Variants in ARHGEF9 observed in about 807,000 individuals in gnomAD.
ARHGEF9 encodes the protein rho guanine nucleotide exchange factor 9.
In ARHGEF9, 2 loss-of-function variants were observed where a neutral mutation model predicts 41.3. The observed-to-expected ratio is 0.05, with a 90% confidence interval of 0.02 to 0.15. ARHGEF9 has a LOEUF of 0.15. Ranked by LOEUF, ARHGEF9 falls within the 10% of genes least tolerant of loss-of-function variation. ARHGEF9 has a pLI of 1.00. For synonymous variants in ARHGEF9, 160 were observed against 154.4 expected, an observed-to-expected ratio of 1.04 and a Z score of -0.27; for missense variants, 225 against 424.7, an observed-to-expected ratio of 0.53 and a Z score of 4.13.
At chrX:63,766,968 G>A in intron 1 of ARHGEF9, 1 of 541,608 alleles carries the variant, frequency 1.8e-6, no homozygotes, top group Non-Finnish European at 3.2e-6. Context: ...AACAGCCACA[G>A]CAGATGATTA....
chrX:63,674,439 T>G (rs1194029075), intron 5 of ARHGEF9, among the ~76,000 whole-genome samples: 2 of 112,367 alleles, frequency 1.8e-5, no homozygotes, highest in African/African-American at 6.5e-5. Flanking sequence ...GGATGGCTTT[T>G]CAGTCAACAG....
intron 1 of ARHGEF9, among the ~76,000 whole-genome samples, chrX:63,745,482 C>T (rs2055211294): frequency 9.0e-6 from 1 of 111,274 alleles, no homozygotes; most frequent in South Asian, 3.8e-4. Context: ...TCCAACCAAA[C>T]CTGAAAGAGC....
At chrX:63,781,402 G>T (rs1204655910) in intron 1 of ARHGEF9, among the ~76,000 whole-genome samples, 1 of 111,287 alleles carries the variant, frequency 9.0e-6, no homozygotes, top group African/African-American at 3.3e-5. Flanking sequence ...ATAGAACCAA[G>T]TCTCAATTAG....
chrX:63,774,763 G>T (rs1556457115), intron 1 of ARHGEF9, among the ~76,000 whole-genome samples: 1 of 111,399 alleles, frequency 9.0e-6, no homozygotes, highest in African/African-American at 3.3e-5. Flanking sequence ...CATAGGCCCT[G>T]GAAAAGATTT....
In ARHGEF9 at chrX:63,739,979, T is replaced by A. The variant is rs61558601; in HGVS notation, c.31-15268A>T. Among the ~76,000 whole-genome samples, 250 of 111,659 alleles carry A rather than the reference T, an allele frequency of 2.2e-3. 1 individual carries two copies. Among genetic ancestry groups the A allele is most frequent in the African/African-American group, 7.6e-3 (233 of 30,679 alleles). ...CTACATAGTCTAGTTTCTGACCTTC[T>A]CCCTCTCAGCAAACCAGATAAAATG... On this transcript the variant is annotated intron_variant, in intron 1 of 9. Transcript: ENST00000671741.
chrX:63,664,287 ACT>A (rs782376059), intron 7 of ARHGEF9, among the ~76,000 whole-genome samples: 1 of 112,071 alleles, frequency 8.9e-6, no homozygotes, highest in Non-Finnish European at 1.9e-5. Flanking sequence ...CTTCTGACTC[ACT>A]GTTTTATGTT....
intron 2 of ARHGEF9, among the ~76,000 whole-genome samples, chrX:63,708,202 A>G (rs1556404187): frequency 8.9e-6 from 1 of 112,042 alleles, no homozygotes; most frequent in Non-Finnish European, 1.9e-5. Flanking sequence ...ATTTGTACCA[A>G]TGAAAACCTC....
At position 63,635,624 on chromosome X, in the gene ARHGEF9, C is replaced by T. The variant is rs539437373; in HGVS notation, c.*2404G>A. On this transcript the variant is annotated 3_prime_UTR_variant, in exon 10 of 10. Transcript: ENST00000671741. The stretch of plus-strand genomic sequence containing the variant: ...CACAAATTAGTGGCATCAGGTGATG[C>T]CAGTGGGTTCAGTAGAGGAGAAGTG... 312 of 378,847 alleles carry T rather than the reference C, an allele frequency of 8.2e-4. 2 individuals carry two copies. In the South Asian group the frequency reaches 0.013, roughly 16 times the overall value. The allele number at this position is 378,847 out of a possible 1,213,427, so 31.2% of individuals were successfully genotyped here. A position where few individuals can be genotyped will look rare whatever the true frequency, so the allele number is the denominator to read the frequency against.
intron 1 of ARHGEF9, among the ~76,000 whole-genome samples, chrX:63,777,886 C>T (rs2056318278): frequency 8.9e-6 from 1 of 112,804 alleles, no homozygotes; most frequent in African/African-American, 3.2e-5. Flanking sequence ...AGGGTACAGT[C>T]CCCCTCCAGG....
intron 6 of ARHGEF9, among the ~76,000 whole-genome samples, chrX:63,668,473 C>T (rs1383261949): frequency 9.0e-6 from 1 of 111,304 alleles, no homozygotes; most frequent in Non-Finnish European, 1.9e-5. Context: ...CATGTAACTC[C>T]ACCAATTAGA....
chrX:63,768,643 T>G (rs1159292411), intron 1 of ARHGEF9, among the ~76,000 whole-genome samples: 11 of 112,087 alleles, frequency 9.8e-5, no homozygotes, highest in African/African-American at 3.6e-4. Context: ...TTGTAATAAT[T>G]CCCACATGTT....
In ARHGEF9 at chrX:63,767,530, C is replaced by CTAAT. The variant is rs2056131837; in HGVS notation, c.30+17582_30+17585dup. On this transcript the variant is annotated intron_variant, in intron 1 of 9. Coordinates refer to ENST00000671741, the MANE Select transcript of ARHGEF9 (RefSeq NM_001353921.2). ...CTTATAAACAATTCACCCTTTGCAG[C>CTAAT]TAATTAAGATGAAGAAGCCTGGGAA... 1.8e-5 allele frequency: 4 copies of CTAAT among 221,598 alleles called. No homozygotes were observed. In the South Asian group the frequency reaches 2.6e-4, roughly 14 times the overall value. 18.3% of individuals were successfully genotyped at this position (221,598 alleles called of 1,213,427 possible). A position where few individuals can be genotyped will look rare whatever the true frequency, so the allele number is the denominator to read the frequency against.
intron 9 of ARHGEF9, chrX:63,641,573 A>G (rs1365751706): frequency 9.0e-6 from 1 of 111,335 alleles, no homozygotes; most frequent in Non-Finnish European, 1.9e-5. Flanking sequence ...CTTCTGGTTA[A>G]CCAACTCCTG....
chrX:63,785,023 T>C, intron 1 of ARHGEF9, 93 bp downstream of exon 1: 1 of 1,069,700 alleles, frequency 9.3e-7, no homozygotes, highest in Non-Finnish European at 1.3e-6. Flanking sequence ...GAGGCCAGGG[T>C]GCTCACTGCC....
chrX:63,662,244 C>T (rs1315711191), intron 7 of ARHGEF9, among the ~76,000 whole-genome samples: 18 of 111,692 alleles, frequency 1.6e-4, no homozygotes, highest in Non-Finnish European at 2.8e-4. Context: ...ATATAGTTAG[C>T]GAGTGTTGAA....
At chrX:63,709,889 A>C (rs1276461268) in intron 2 of ARHGEF9, among the ~76,000 whole-genome samples, 1 of 111,661 alleles carries the variant, frequency 9.0e-6, no homozygotes, top group African/African-American at 3.3e-5. Flanking sequence ...CGTAATAAAG[A>C]AACTGATACC....
intron 2 of ARHGEF9, among the ~76,000 whole-genome samples, chrX:63,723,696 C>T (rs1320804846): frequency 8.9e-6 from 1 of 111,928 alleles, no homozygotes; most frequent in African/African-American, 3.2e-5. Flanking sequence ...GCTCACAATT[C>T]CAAGAAAAAA....
At chrX:63,743,941 A>G (rs1284217685) in intron 1 of ARHGEF9, among the ~76,000 whole-genome samples, 1 of 112,068 alleles carries the variant, frequency 8.9e-6, no homozygotes, top group South Asian at 3.7e-4. Context: ...ATCAGAAAAC[A>G]AAACAGCTTT....
chrX:63,636,991 T>C lies in ARHGEF9; in HGVS notation c.*1037A>G. 1 of 297,182 alleles carries C rather than the reference T, an allele frequency of 3.4e-6. No homozygotes were observed. The highest frequency in any genetic ancestry group is 8.8e-4 in the Middle Eastern group (1 of 1,135). 24.5% of individuals were successfully genotyped at this position (297,182 alleles called of 1,213,427 possible). The stretch of plus-strand genomic sequence containing the variant: ...AGATCACTGCCCTAAACCTATCTGG[T>C]ACTAGGGGGCAGGTAAATCCCTCTC... On this transcript the variant is annotated 3_prime_UTR_variant, in exon 10 of 10. Coordinates refer to ENST00000671741, the MANE Select transcript of ARHGEF9 (RefSeq NM_001353921.2).
Sources: allele counts gnomAD v4.1 joint callset (sites outside exome capture counted in the v4.1 genomes callset), GRCh38; gene constraint gnomAD v4.1.1; transcripts MANE v1.5; gene names NCBI Gene and HGNC (gene_info 2026-07-23, HGNC 2026-07-21).